The following FAM168A variants were observed in gnomAD, a reference collection of about 807,000 sequenced individuals.
The protein encoded by FAM168A is protein FAM168A.
A neutral mutation model predicts 28.5 loss-of-function variants in FAM168A; 3 were observed. The observed-to-expected ratio is 0.11, with a 90% confidence interval of 0.05 to 0.27. The LOEUF (loss-of-function observed/expected upper bound fraction) is 0.27, where lower values mean the gene tolerates loss of function less well. Ranked by LOEUF, FAM168A falls within the 10% of genes least tolerant of loss-of-function variation. The probability of loss-of-function intolerance (pLI) is 1.00; values close to 1 mark genes in which losing one functional copy is unlikely to be tolerated. For missense variants in FAM168A, 222 were observed against 311.5 expected, an observed-to-expected ratio of 0.71 and a Z score of 2.16; for synonymous variants, 122 against 124.2, an observed-to-expected ratio of 0.98 and a Z score of 0.12.
chr11:73,508,326 GA>G (rs944966179), intron 1 of FAM168A, among the ~76,000 whole-genome samples: 57 of 129,774 alleles, frequency 4.4e-4, no homozygotes, highest in Admixed American at 4.5e-4. Flanking sequence ...AATAAAAAAG[GA>G]AAAAAATATT....
chr11:73,551,977 G>A (rs1943834803), intron 1 of FAM168A, among the ~76,000 whole-genome samples: 1 of 152,178 alleles, frequency 6.6e-6, no homozygotes, highest in African/African-American at 2.4e-5. Flanking sequence ...GGAGAGAAAG[G>A]AATATGTGGG....
At chr11:73,577,788 A>C (rs1944194096) in intron 1 of FAM168A, among the ~76,000 whole-genome samples, 1 of 152,242 alleles carries the variant, frequency 6.6e-6, no homozygotes, top group South Asian at 2.1e-4. Flanking sequence ...AAAGAATGCA[A>C]AAACCTGCTG....
intron 2 of FAM168A, among the ~76,000 whole-genome samples, chr11:73,445,312 A>C (rs1423362014): frequency 6.6e-6 from 1 of 151,478 alleles, no homozygotes; most frequent in Non-Finnish European, 1.5e-5. Context: ...TTTTCAATTA[A>C]TCTCTTATTG....
At chr11:73,457,576 T>G (rs1236216836) in intron 2 of FAM168A, among the ~76,000 whole-genome samples, 1 of 150,722 alleles carries the variant, frequency 6.6e-6, no homozygotes, top group African/African-American at 2.4e-5. Context: ...AATTATACAC[T>G]TAAAAATGGT....
chr11:73,510,416 G>A (rs1855198796), intron 1 of FAM168A, among the ~76,000 whole-genome samples: 1 of 152,170 alleles, frequency 6.6e-6, no homozygotes, highest in African/African-American at 2.4e-5. Context: ...TGGAGTCAAG[G>A]CATCAAAGTC....
chr11:73,528,214 G>A (rs1425272095), intron 1 of FAM168A, among the ~76,000 whole-genome samples: 5 of 152,164 alleles, frequency 3.3e-5, no homozygotes, highest in Admixed American at 1.3e-4. Flanking sequence ...GAACCAGAGC[G>A]ACTCCATTTT....
At chr11:73,597,090 G>A (rs1430178449) in intron 1 of FAM168A, among the ~76,000 whole-genome samples, 1 of 151,794 alleles carries the variant, frequency 6.6e-6, no homozygotes, top group Non-Finnish European at 1.5e-5. Flanking sequence ...AACCCACTGT[G>A]CCCCACACTC....
At chr11:73,442,116 TTTC>T (rs1340975979) in intron 2 of FAM168A, among the ~76,000 whole-genome samples, 47 of 150,102 alleles carry the variant, frequency 3.1e-4, no homozygotes, top group East Asian at 1.4e-3. Context: ...AGTTGAGGTC[TTTC>T]TTCTTCTTTT....
At chr11:73,461,428 C>G (rs1457091515) in intron 2 of FAM168A, among the ~76,000 whole-genome samples, 1 of 152,170 alleles carries the variant, frequency 6.6e-6, no homozygotes, top group Non-Finnish European at 1.5e-5. Context: ...CACTGTGAAT[C>G]TTAAGTGCTT....
chr11:73,592,699 G>C (rs1383604452), intron 1 of FAM168A, among the ~76,000 whole-genome samples: 1 of 152,018 alleles, frequency 6.6e-6, no homozygotes, highest in Non-Finnish European at 1.5e-5. Context: ...AAAAGGAAGG[G>C]GAGTGGAAGG....
At chr11:73,508,199 T>C (rs1039847224) in intron 1 of FAM168A, among the ~76,000 whole-genome samples, 2 of 152,194 alleles carry the variant, frequency 1.3e-5, no homozygotes, top group Admixed American at 1.3e-4. Context: ...GCATCACCTC[T>C]AGATTGTTTA....
At position 73,402,874 on chromosome 11, in the gene FAM168A, G is replaced by A. The variant is rs1866437472; in HGVS notation, c.*3889C>T. 1 of 152,196 alleles carries A rather than the reference G, an allele frequency of 6.6e-6. No individual in the cohort carries two copies. The highest frequency in any genetic ancestry group is 6.5e-5 in the Admixed American group (1 of 15,280). 9.4% of individuals were successfully genotyped at this position (152,196 alleles called of 1,614,324 possible). The stretch of plus-strand genomic sequence containing the variant: ...GGCTCATTACAGGTCCTGGCCCAAA[G>A]CAGTTCATACAAATCTGCTCAGCTC... On this transcript the variant is annotated 3_prime_UTR_variant, in exon 8 of 8. Transcript: ENST00000356467.
chr11:73,519,183 T>C (rs1448224414), intron 1 of FAM168A, among the ~76,000 whole-genome samples: 1 of 152,220 alleles, frequency 6.6e-6, no homozygotes, highest in Non-Finnish European at 1.5e-5. Flanking sequence ...AGGTAGATAC[T>C]ATTTCTCCTC....
At chr11:73,457,642 G>A (rs1418275707) in intron 2 of FAM168A, among the ~76,000 whole-genome samples, 6 of 140,438 alleles carry the variant, frequency 4.3e-5, no homozygotes, top group Non-Finnish European at 6.0e-5. Context: ...TTGGGAGGCC[G>A]AAGTAAGAGG....
intron 1 of FAM168A, among the ~76,000 whole-genome samples, chr11:73,523,268 G>T (rs542299641): frequency 7.0e-4 from 107 of 152,106 alleles, no homozygotes; most frequent in African/African-American, 2.4e-3. Context: ...TGGTAATAAC[G>T]CTTTACTTCA....
chr11:73,403,431 C>T lies in FAM168A; in HGVS notation c.*3332G>A, dbSNP rs1866448625. ...CCTGATCCTGGCCATAGGTGTTGCA[C>T]TTGGGGAGAGGCAGTGGCATGAGGA... On this transcript the variant is annotated 3_prime_UTR_variant, in exon 8 of 8. Transcript: ENST00000356467. 1 of 152,150 alleles carries T rather than the reference C, an allele frequency of 6.6e-6. No homozygotes were observed. Among genetic ancestry groups the T allele is most frequent in the Non-Finnish European group, 1.5e-5 (1 of 68,070 alleles). The allele number at this position is 152,150 out of a possible 1,614,324, so 9.4% of individuals were successfully genotyped here. A position where few individuals can be genotyped will look rare whatever the true frequency, so the allele number is the denominator to read the frequency against.
chr11:73,576,839 A>C (rs1944182633), intron 1 of FAM168A, among the ~76,000 whole-genome samples: 1 of 152,192 alleles, frequency 6.6e-6, no homozygotes, highest in African/African-American at 2.4e-5. Context: ...CAGAGAGACA[A>C]GAAAATGGCC....
In FAM168A at chr11:73,480,469, A is replaced by G. The variant is rs986778870; in HGVS notation, c.-18-11977T>C. 4.6e-5 allele frequency among the ~76,000 whole-genome samples: 7 copies of G among 152,018 alleles called. No individual in the cohort carries two copies. The East Asian group carries it at 1.3e-3, about 29-fold the overall frequency. ...CAACTATTCATTAAACCACACAAGT[A>G]CTCGGACCTTACTATGTGCCAATTC... is the stretch of plus-strand genomic sequence containing the variant. On this transcript the variant is annotated intron_variant, in intron 1 of 7. Transcript: ENST00000356467.
intron 2 of FAM168A, among the ~76,000 whole-genome samples, chr11:73,448,524 T>C (rs550730797): frequency 1.3e-5 from 2 of 152,296 alleles, no homozygotes; most frequent in South Asian, 2.1e-4. Context: ...CAATGATCAT[T>C]CCCAACACCC....
Sources: gnomAD v4.1 joint callset for allele counts (sites outside exome capture counted in the v4.1 genomes callset) on GRCh38, gnomAD v4.1.1 for gene constraint, MANE v1.5 for transcripts, NCBI Gene and HGNC (gene_info 2026-07-23, HGNC 2026-07-21) for gene names.